EVC2: variants seen among roughly 807,000 people sequenced by gnomAD.
The protein encoded by EVC2 is limbin.
In EVC2, 148 loss-of-function variants were observed where a neutral mutation model predicts 149.3. That is an observed-to-expected ratio of 0.99 (90% CI 0.87 to 1.14). The LOEUF is 1.14. EVC2 is among the 50% of genes most tolerant of loss of function. The pLI, the probability that EVC2 is intolerant of heterozygous loss-of-function variation, is 0.00. For synonymous variants in EVC2, 776 were observed against 649.9 expected, an observed-to-expected ratio of 1.19 and a Z score of -2.95; for missense variants, 1,854 against 1,627.3, an observed-to-expected ratio of 1.14 and a Z score of -2.40.
Position 5,665,578 on chromosome 4 carries a change from C to T in EVC2, c.942G>A (p.Trp314Ter), listed in dbSNP as rs763363403. The change falls in exon 8 of 22, where the codon TGG becomes TGA. Residue 314 changes from tryptophan to a stop codon, truncating the protein, a stop_gained. Coordinates refer to ENST00000344408, the MANE Select transcript of EVC2 (RefSeq NM_147127.5). LOFTEE classifies it high-confidence loss of function. ...AGCGAACCATGAGGAAGAGGGCAGC[C>T]CAGGTCAGCACAAGGGAGAGGAGGA... ...IAFLLSLVLT[W>*]AALFLMVRYQ... The T allele has an allele frequency of 8.1e-6, 13 of 1,614,048 alleles. No individual in the cohort carries two copies. The South Asian group carries it at 1.3e-4, about 16-fold the overall frequency.
At chr4:5,676,444 C>G (rs1444873721) in intron 7 of EVC2, among the ~76,000 whole-genome samples, 1 of 152,222 alleles carries the variant, frequency 6.6e-6, no homozygotes. Context: ...CTGCCACCCT[C>G]CTGGCAAACT....
intron 1 of EVC2, among the ~76,000 whole-genome samples, chr4:5,698,843 T>C (rs977474698): frequency 2.6e-5 from 4 of 152,230 alleles, no homozygotes; most frequent in Non-Finnish European, 4.4e-5. Flanking sequence ...AGGATGTGTA[T>C]GTGAGTTGAG....
At chr4:5,588,010 C>T (rs1712449620) in intron 16 of EVC2, among the ~76,000 whole-genome samples, 1 of 152,098 alleles carries the variant, frequency 6.6e-6, no homozygotes, top group Non-Finnish European at 1.5e-5. Flanking sequence ...GGTCTCCTCC[C>T]TGAGTTCTAG....
chr4:5,688,383 C>G (rs564811701), intron 5 of EVC2, among the ~76,000 whole-genome samples: 1 of 152,160 alleles, frequency 6.6e-6, no homozygotes, highest in Non-Finnish European at 1.5e-5. Flanking sequence ...ACTGCCTGAG[C>G]TTGACTCAGC....
At chr4:5,601,529 A>G (rs1560155292) in intron 16 of EVC2, among the ~76,000 whole-genome samples, 1 of 152,014 alleles carries the variant, frequency 6.6e-6, no homozygotes, top group East Asian at 1.9e-4. Context: ...GGAAAAAAAA[A>G]AAAACAATGG....
At chr4:5,681,233 G>T in intron 7 of EVC2, 27 bp downstream of exon 7, 1 of 1,612,914 alleles carries the variant, frequency 6.2e-7, no homozygotes, top group Non-Finnish European at 8.5e-7. Flanking sequence ...TGTCCTGAGG[G>T]TGCTCAGGGC....
intron 8 of EVC2, 46 bp from the exon 9 acceptor site, chr4:5,663,292 A>G: frequency 6.2e-7 from 1 of 1,612,354 alleles, no homozygotes; most frequent in African/African-American, 1.3e-5. Context: ...CCTTCTTGTG[A>G]ATTCCACGTG....
At chr4:5,706,166 T>G (rs560487343) in intron 1 of EVC2, among the ~76,000 whole-genome samples, 9 of 151,876 alleles carry the variant, frequency 5.9e-5, no homozygotes, top group African/African-American at 2.2e-4. Context: ...CCAGACTAAA[T>G]GACCTCCTTC....
At chr4:5,586,999 T>A (rs936864187) in intron 16 of EVC2, among the ~76,000 whole-genome samples, 1 of 152,228 alleles carries the variant, frequency 6.6e-6, no homozygotes, top group Non-Finnish European at 1.5e-5. Flanking sequence ...TTACTCCCAT[T>A]TCTTGCTTCC....
At chr4:5,698,549 G>A (rs935542091) in intron 1 of EVC2, among the ~76,000 whole-genome samples, 4 of 152,146 alleles carry the variant, frequency 2.6e-5, no homozygotes, top group African/African-American at 9.7e-5. Context: ...TTACCTTTAT[G>A]AATCACTGGG....
Position 5,628,491 on chromosome 4 carries a change from G to A in EVC2, c.1886+68C>T, listed in dbSNP as rs114678224. ...CTATTTATAAATTACCCAGTCTGTG[G>A]TATTCTGTCATAGCAGCAGAAAACA... On this transcript the variant is annotated intron_variant, in intron 12 of 21. Transcript: ENST00000344408. 1,555 of 1,571,054 alleles carry A rather than the reference G, an allele frequency of 9.9e-4. 14 individuals carry two copies. In the African/African-American group the frequency reaches 0.018, roughly 18 times the overall value.
At position 5,636,693 on chromosome 4, in the gene EVC2, G is replaced by C. The variant is rs1400894970; in HGVS notation, c.1470+3821C>G. Among the ~76,000 whole-genome samples the C allele has an allele frequency of 1.3e-5, 2 of 152,122 alleles. No homozygotes were observed. Among genetic ancestry groups the C allele is most frequent in the Admixed American group, 6.6e-5 (1 of 15,264 alleles). On this transcript the variant is annotated intron_variant, in intron 10 of 21. Transcript: ENST00000344408. This position sits in a 1 kb window ranked among gnomAD's most constrained non-coding sequence, Gnocchi z 4.6. ...GGGTCCTGGAACCAATGCTTCCTGG[G>C]TATCAAGGGAGGGATGACTGTACTG... is the stretch of plus-strand genomic sequence containing the variant.
At position 5,576,561 on chromosome 4, in the gene EVC2, T is replaced by C; in HGVS notation, c.3058-107A>G. 1 of 1,528,760 alleles carries C rather than the reference T, an allele frequency of 6.5e-7. No individual in the cohort carries two copies. The highest frequency in any genetic ancestry group is 1.4e-5 in the African/African-American group (1 of 73,012). The allele number at this position is 1,528,760 out of a possible 1,614,324, so 94.7% of individuals were successfully genotyped here. On this transcript the variant is annotated intron_variant, in intron 17 of 21. Coordinates refer to ENST00000344408, the MANE Select transcript of EVC2 (RefSeq NM_147127.5). The surrounding 1 kb of genome is among the most constrained non-coding windows in gnomAD (Gnocchi z 4.5). ...TTGCTACAAGTCTGGCATGACTCTG[T>C]CTTGCCTGGTTCCCCATCCAGCTGT...
At position 5,625,437 on chromosome 4, in the gene EVC2, C is replaced by A. The variant is rs1716037502; in HGVS notation, c.2046+312G>T. 1.3e-5 allele frequency among the ~76,000 whole-genome samples: 2 copies of A among 151,968 alleles called. No individual in the cohort carries two copies. Among genetic ancestry groups the A allele is most frequent in the Admixed American group, 6.6e-5 (1 of 15,256 alleles). ...ACTTAGCACAGTGCTAAGTAAGCAG[C>A]CAATAAATGTTAGCACCTACCATCA... On this transcript the variant is annotated intron_variant, in intron 13 of 21. Transcript: ENST00000344408. This position sits in a 1 kb window ranked among gnomAD's most constrained non-coding sequence, Gnocchi z 4.0.
At chr4:5,571,645 C>A (rs1371920740) in intron 19 of EVC2, among the ~76,000 whole-genome samples, 1 of 152,078 alleles carries the variant, frequency 6.6e-6, no homozygotes, top group Non-Finnish European at 1.5e-5. Flanking sequence ...CTGAGCTTCC[C>A]TGATGATTCT....
rs1722518861 is a variant in EVC2 at position 5,569,487 on chromosome 4, A to G, written c.3361-847T>C. Among the ~76,000 whole-genome samples, 1 of 152,222 alleles carries G rather than the reference A, an allele frequency of 6.6e-6. No individual in the cohort carries two copies. The highest frequency in any genetic ancestry group is 2.1e-4 in the South Asian group (1 of 4,828). On this transcript the variant is annotated intron_variant, in intron 19 of 21. Coordinates refer to ENST00000344408, the MANE Select transcript of EVC2 (RefSeq NM_147127.5). The surrounding 1 kb of genome is among the most constrained non-coding windows in gnomAD (Gnocchi z 4.8). ...CTTTGTAACTTCTTGTGAATCTAAA[A>G]TAACTTCAAAATTAAAAATTTTGGC...
downstream of EVC2, among the ~76,000 whole-genome samples, chr4:5,538,325 G>A (rs760318369): frequency 1.1e-4 from 17 of 152,084 alleles, no homozygotes; most frequent in Non-Finnish European, 1.6e-4. Context: ...TTAACTTTTA[G>A]TTTAAAATCT....
intron 20 of EVC2, among the ~76,000 whole-genome samples, chr4:5,566,125 C>G (rs1302402384): frequency 1.3e-5 from 2 of 152,250 alleles, no homozygotes; most frequent in Non-Finnish European, 2.9e-5. Context: ...TGGGAAAGTA[C>G]AGGCGAAGCC....
intron 16 of EVC2, among the ~76,000 whole-genome samples, chr4:5,612,094 G>A (rs1227386744): frequency 6.6e-6 from 1 of 152,116 alleles, no homozygotes; most frequent in South Asian, 2.1e-4. Flanking sequence ...GAAAGGAAAC[G>A]AAAACAAGCC....
Sources: allele counts gnomAD v4.1 joint callset (sites outside exome capture counted in the v4.1 genomes callset), GRCh38; gene constraint gnomAD v4.1.1; non-coding constraint Gnocchi (gnomAD v3.1); transcripts MANE v1.5; gene names NCBI Gene and HGNC (gene_info 2026-07-23, HGNC 2026-07-21).